Variants in MDGA2 observed in about 807,000 individuals in gnomAD.
MDGA2 encodes MAM domain-containing glycosylphosphatidylinositol anchor protein 2.
In MDGA2, 40 loss-of-function variants were observed where a neutral mutation model predicts 117.8. The observed-to-expected ratio is 0.34, with a 90% CI of 0.26 to 0.44. MDGA2 has a LOEUF of 0.44. Among genes scored for constraint, MDGA2 ranks in the 20% least tolerant of loss-of-function variants. The probability of loss-of-function intolerance (pLI) is 1.00; values close to 1 mark genes in which losing one functional copy is unlikely to be tolerated. For synonymous variants in MDGA2, 452 were observed against 439.0 expected (o/e 1.03, Z -0.37); for missense variants, 1,123 against 1,250.6 (o/e 0.90, Z 1.54).
At chr14:47,219,683 C>T (rs992160138) in intron 2 of MDGA2, among the ~76,000 whole-genome samples, 33 of 151,700 alleles carry the variant, frequency 2.2e-4, no homozygotes, top group African/African-American at 6.3e-4. Context: ...AAATGCTAAA[C>T]GATAGGTGGT....
At position 47,561,141 on chromosome 14, in the gene MDGA2, G is replaced by GTTTGTTTTTTTTTTTTTTTTTT. The variant is rs1555332241; in HGVS notation, c.280+113375_280+113376insAAAAAAAAAAAAAAAAAACAAA. 3.1e-4 allele frequency among the ~76,000 whole-genome samples: 16 copies of GTTTGTTTTTTTTTTTTTTTTTT among 52,136 alleles called. 1 individual carries two copies. Among genetic ancestry groups the GTTTGTTTTTTTTTTTTTTTTTT allele is most frequent in the Middle Eastern group, 0.014 (2 of 140 alleles). The allele number at this position is 52,136 out of a possible 152,430, so 34.2% of individuals were successfully genotyped here. A position where few individuals can be genotyped will look rare whatever the true frequency, so the allele number is the denominator to read the frequency against. On this transcript the variant is annotated intron_variant, in intron 1 of 16. Transcript: ENST00000399232. ...AGGCTAGCATGATACCTCTATCTTT[G>GTTTGTTTTTTTTTTTTTTTTTT]TTTTTTTTTTTGTTTTGTTTTGTTT... is the stretch of plus-strand genomic sequence containing the variant.
intron 5 of MDGA2, among the ~76,000 whole-genome samples, chr14:47,119,297 C>T (rs1342763887): frequency 6.6e-6 from 1 of 151,428 alleles, no homozygotes; most frequent in Non-Finnish European, 1.5e-5. Context: ...AATCTCCTGG[C>T]CTCGTGCTCT....
chr14:47,317,266 T>A (rs1031534622), intron 1 of MDGA2, among the ~76,000 whole-genome samples: 1 of 152,158 alleles, frequency 6.6e-6, no homozygotes, highest in Non-Finnish European at 1.5e-5. Context: ...AATCTTTTTT[T>A]AGTTAGGATT....
intron 8 of MDGA2, among the ~76,000 whole-genome samples, chr14:46,990,312 A>G (rs1887037976): frequency 6.6e-6 from 1 of 152,082 alleles, no homozygotes; most frequent in African/African-American, 2.4e-5. Flanking sequence ...AGCTTTGTTT[A>G]CTATAGAAAT....
chr14:47,087,494 T>C (rs1170574036), intron 6 of MDGA2, among the ~76,000 whole-genome samples: 2 of 144,002 alleles, frequency 1.4e-5, no homozygotes, highest in African/African-American at 2.6e-5. Flanking sequence ...GAATTATAGA[T>C]GGTTAGATGG....
Position 47,144,112 on chromosome 14 carries a change from T to G in MDGA2, c.758A>C (p.Lys253Thr), listed in dbSNP as rs924992439. ...GQEVLLQGSD[K>T]GVEIYEPFFT... ...GAATGGTTCATAAATCTCAACTCCT[T>G]TATCAGATCCTTGCAGCAAGACCTC... The change falls in exon 4 of 17, where the codon AAA (lysine) becomes ACA (threonine). Residue 253 changes from lysine to threonine, a missense_variant. Around this residue, in one of 2 missense-constraint regions of MDGA2, gnomAD observed 890 missense variants for 1,050.3 expected, o/e 0.85. Transcript: ENST00000399232. 1.3e-6 allele frequency: 2 copies of G among 1,550,788 alleles called. No homozygotes were observed. The highest frequency in any genetic ancestry group is 1.7e-6 in the Non-Finnish European group (2 of 1,146,526).
At chr14:47,060,480 G>A (rs909767079) in intron 7 of MDGA2, among the ~76,000 whole-genome samples, 4 of 152,016 alleles carry the variant, frequency 2.6e-5, no homozygotes, top group African/African-American at 9.6e-5. Flanking sequence ...ATTCAATTTG[G>A]TAACAAGCTG....
intron 1 of MDGA2, among the ~76,000 whole-genome samples, chr14:47,402,565 G>A (rs779068665): frequency 6.6e-6 from 1 of 152,078 alleles, no homozygotes; most frequent in Non-Finnish European, 1.5e-5. Flanking sequence ...TTGTAATGTT[G>A]CTGGAACGAT....
intron 6 of MDGA2, among the ~76,000 whole-genome samples, chr14:47,063,789 A>C (rs1889981102): frequency 6.6e-6 from 1 of 152,016 alleles, no homozygotes; most frequent in African/African-American, 2.4e-5. Context: ...ATCAGGGTTC[A>C]TATGGGATAT....
chr14:47,183,127 T>C (rs903230022), intron 3 of MDGA2, among the ~76,000 whole-genome samples: 1 of 152,180 alleles, frequency 6.6e-6, no homozygotes, highest in Non-Finnish European at 1.5e-5. Flanking sequence ...CCTCTGCATA[T>C]GGGCTCATCC....
intron 8 of MDGA2, among the ~76,000 whole-genome samples, chr14:47,020,865 T>C (rs761410009): frequency 1.1e-4 from 16 of 151,844 alleles, no homozygotes; most frequent in Non-Finnish European, 1.6e-4. Flanking sequence ...CAAACCTTTA[T>C]GACAGTGTAC....
At chr14:47,282,921 C>T (rs1660361825) in intron 2 of MDGA2, among the ~76,000 whole-genome samples, 1 of 152,008 alleles carries the variant, frequency 6.6e-6, no homozygotes, top group African/African-American at 2.4e-5. Flanking sequence ...GCACTCCAGC[C>T]TGAGCGACAG....
At chr14:47,248,575 TAATAA>T (rs1211732276) in intron 2 of MDGA2, among the ~76,000 whole-genome samples, 1 of 152,104 alleles carries the variant, frequency 6.6e-6, no homozygotes, top group African/African-American at 2.4e-5. Flanking sequence ...GGTTTTATAG[TAATAA>T]AATAAGTCAA....
chr14:47,522,711 C>T (rs1258816855), intron 1 of MDGA2, among the ~76,000 whole-genome samples: 1 of 152,124 alleles, frequency 6.6e-6, no homozygotes, highest in East Asian at 1.9e-4. Context: ...GTAACTATTA[C>T]ATTCAGAAGT....
chr14:47,655,654 A>G (rs1897728752), intron 1 of MDGA2, among the ~76,000 whole-genome samples: 2 of 152,118 alleles, frequency 1.3e-5, no homozygotes, highest in Admixed American at 1.3e-4. Context: ...ATAAAAAGCA[A>G]TCTTCCAAAA....
At chr14:47,023,492 G>A (rs1888367194) in intron 8 of MDGA2, among the ~76,000 whole-genome samples, 1 of 152,074 alleles carries the variant, frequency 6.6e-6, no homozygotes, top group African/African-American at 2.4e-5. Context: ...ATCATAACAA[G>A]ATTTCTTTTC....
At chr14:47,575,670 CAT>C (rs1029007815) in intron 1 of MDGA2, among the ~76,000 whole-genome samples, 3 of 152,256 alleles carry the variant, frequency 2.0e-5, no homozygotes, top group African/African-American at 7.2e-5. Context: ...GTTTAGGGAA[CAT>C]GTGTGTGAGC....
intron 1 of MDGA2, among the ~76,000 whole-genome samples, chr14:47,512,086 TCATGGGGCAC>T (rs1239297757): frequency 5.3e-5 from 8 of 152,284 alleles, no homozygotes; most frequent in Non-Finnish European, 1.2e-4. Context: ...TGCTACTGTC[TCATGGGGCAC>T]CATGAGAATT....
At chr14:46,935,181 G>A (rs1336545058) in intron 9 of MDGA2, among the ~76,000 whole-genome samples, 1 of 152,076 alleles carries the variant, frequency 6.6e-6, no homozygotes, top group Admixed American at 6.6e-5. Flanking sequence ...TTAATGAGAT[G>A]GAAGCAGAAA....
Sources: allele counts gnomAD v4.1 joint callset (sites outside exome capture counted in the v4.1 genomes callset), GRCh38; gene constraint gnomAD v4.1.1; regional missense constraint gnomAD v4.1.1; transcripts MANE v1.5; gene names NCBI Gene and HGNC (gene_info 2026-07-23, HGNC 2026-07-21).